IDO2: variants seen among roughly 807,000 people sequenced by gnomAD.
IDO2 encodes indoleamine 2,3-dioxygenase 2, also known as indoleamine 2,3-dioxygenase-like 1 protein.
A neutral mutation model predicts 45.1 loss-of-function variants in IDO2; 46 were observed. That is an observed-to-expected ratio of 1.02 (90% CI 0.80 to 1.30). IDO2 has a LOEUF of 1.30. IDO2 is among the 50% of genes most tolerant of loss of function. IDO2 has a pLI of 0.00. For synonymous variants in IDO2, 218 were observed against 184.9 expected, an observed-to-expected ratio of 1.18 and a Z score of -1.45; for missense variants, 544 against 491.8, an observed-to-expected ratio of 1.11 and a Z score of -1.00.
chr8:39,990,743 C>T (rs1204401042), intron 8 of IDO2, among the ~76,000 whole-genome samples: 8 of 152,204 alleles, frequency 5.3e-5, no homozygotes, highest in African/African-American at 1.9e-4. Context: ...ATGCCCTATT[C>T]CAGAATAAAT....
At chr8:40,009,274 C>T (rs1008499388) in intron 9 of IDO2, among the ~76,000 whole-genome samples, 1 of 152,170 alleles carries the variant, frequency 6.6e-6, no homozygotes, top group African/African-American at 2.4e-5. Context: ...CTTGGTCCCC[C>T]AAAGTGCTGG....
intron 8 of IDO2, among the ~76,000 whole-genome samples, chr8:40,001,244 C>CCT (rs1585418536): frequency 5.1e-5 from 5 of 97,846 alleles, no homozygotes; most frequent in Non-Finnish European, 5.9e-5. Flanking sequence ...TGGCTTTCCT[C>CCT]ATTTTTTTTT....
In IDO2 at chr8:40,015,235, T is replaced by C. The variant is rs752360511; in HGVS notation, c.869-12T>C. On this transcript the variant is annotated splice_polypyrimidine_tract_variant and intron_variant, in intron 10 of 10. Coordinates refer to ENST00000502986, the Ensembl canonical transcript of IDO2. The stretch of plus-strand genomic sequence containing the variant: ...GTGGAGCTATGACGTTATGCTGTAT[T>C]GTTTCTTTCAGGTGACTTTCTGTAC... The C allele has an allele frequency of 6.8e-7, 1 of 1,462,168 alleles. No homozygotes were observed. Among genetic ancestry groups the C allele is most frequent in the Non-Finnish European group, 9.5e-7 (1 of 1,052,606 alleles). 90.6% of individuals were successfully genotyped at this position (1,462,168 alleles called of 1,614,324 possible).
At chr8:39,963,926 C>T (rs1406886673) in intron 3 of IDO2, among the ~76,000 whole-genome samples, 1 of 152,182 alleles carries the variant, frequency 6.6e-6, no homozygotes, top group East Asian at 1.9e-4. Context: ...CAATGCCTGA[C>T]ACATGCCAAT....
At chr8:39,982,493 A>G (rs1426401805) in intron 4 of IDO2, among the ~76,000 whole-genome samples, 159 bp from the exon 5 acceptor site, 3 of 152,140 alleles carry the variant, frequency 2.0e-5, no homozygotes, top group Admixed American at 6.6e-5. Context: ...ACAGAAAGAT[A>G]TGTGTGCGGC....
At chr8:39,941,703 A>G (rs781026494) in intron 1 of IDO2, among the ~76,000 whole-genome samples, 9 of 152,182 alleles carry the variant, frequency 5.9e-5, no homozygotes, top group African/African-American at 2.2e-4. Flanking sequence ...AATGCTGCAA[A>G]TGTCTGCATG....
At chr8:39,984,774 A>G (rs1808398654) in intron 5 of IDO2, among the ~76,000 whole-genome samples, 1 of 152,190 alleles carries the variant, frequency 6.6e-6, no homozygotes, top group African/African-American at 2.4e-5. Context: ...CAGAGAAATG[A>G]CATCAATGCA....
chr8:39,984,915 G>A (rs1808401431), intron 5 of IDO2: 2 of 428,170 alleles, frequency 4.7e-6, no homozygotes, highest in African/African-American at 2.1e-5. Context: ...TGTAAGATGA[G>A]TGAAATAACT....
chr8:39,949,045 C>G, intron 1 of IDO2, 104 bp from the exon 2 acceptor site: 2 of 1,457,568 alleles, frequency 1.4e-6, no homozygotes, highest in Non-Finnish European at 1.8e-6. Context: ...GAAAAGTTCT[C>G]TCCTGTGCCT....
chr8:39,963,916 C>T (rs918186631), intron 3 of IDO2, among the ~76,000 whole-genome samples: 1 of 152,160 alleles, frequency 6.6e-6, no homozygotes, highest in Non-Finnish European at 1.5e-5. Flanking sequence ...CAGCACAAAA[C>T]AATGCCTGAC....
intron 1 of IDO2, among the ~76,000 whole-genome samples, chr8:39,942,265 G>C (rs1807654176): frequency 6.6e-6 from 1 of 152,196 alleles, no homozygotes; most frequent in African/African-American, 2.4e-5. Context: ...CAGAAGCTCA[G>C]AATTTTATGC....
intron 8 of IDO2, chr8:39,998,060 T>G (rs1802077785): frequency 4.4e-6 from 1 of 229,828 alleles, no homozygotes; most frequent in African/African-American, 2.3e-5. Flanking sequence ...TCACAGCCTT[T>G]CTGAGTTTCT....
chr8:39,947,598 A>C (rs749509619), intron 1 of IDO2, among the ~76,000 whole-genome samples: 6 of 152,182 alleles, frequency 3.9e-5, no homozygotes, highest in Non-Finnish European at 8.8e-5. Flanking sequence ...GGACAAATAC[A>C]GAATGTAAGG....
Position 39,995,253 on chromosome 8 carries a change from TTCTTCTTCTTCC to T in IDO2, c.667+5427_667+5438del, listed in dbSNP as rs1258880985. The T allele has an allele frequency of 2.7e-3, 278 of 101,376 alleles. 6 individuals are homozygous for T. Among genetic ancestry groups the T allele is most frequent in the African/African-American group, 8.7e-3 (178 of 20,406 alleles). The allele number at this position is 101,376 out of a possible 1,614,324, so 6.3% of individuals were successfully genotyped here. ...CTTCTCCTTCTCCTTCTCCTTCTCC[TTCTTCTTCTTCC>T]TCTTCTTCTTCTTCTTCTTCTTCTT... On this transcript the variant is annotated intron_variant, in intron 8 of 10. Transcript: ENST00000502986.
chr8:40,016,345 G>A (rs1207930104), exon 11 of IDO2: 6 of 393,566 alleles, frequency 1.5e-5, no homozygotes, highest in African/African-American at 4.1e-5. Context: ...GGAATAAGTA[G>A]TAAATCAATG....
chr8:40,002,193 G>T (rs138592286), intron 8 of IDO2, among the ~76,000 whole-genome samples: 5 of 122,010 alleles, frequency 4.1e-5, no homozygotes, highest in African/African-American at 1.4e-4. Context: ...TCTGTAAGTA[G>T]TATGAGATGA....
At chr8:39,964,620 T>C (rs2729462) in intron 3 of IDO2, among the ~76,000 whole-genome samples, 55,455 of 152,142 alleles carry the variant, frequency 0.36, 10,605 homozygotes, top group East Asian at 0.58. Context: ...AATGTTTGCT[T>C]TGTGCAAAGC....
chr8:39,941,768 A>G (rs1056032478), intron 1 of IDO2, among the ~76,000 whole-genome samples: 6 of 152,178 alleles, frequency 3.9e-5, no homozygotes. Context: ...ACAATAGGAA[A>G]GAAAACCAGA....
intron 3 of IDO2, among the ~76,000 whole-genome samples, chr8:39,964,605 C>T (rs1337221014): frequency 6.6e-6 from 1 of 152,192 alleles, no homozygotes; most frequent in Non-Finnish European, 1.5e-5. Flanking sequence ...TTAAAATACT[C>T]ATTGAATGTT....
Sources: gnomAD v4.1 joint callset for allele counts (sites outside exome capture counted in the v4.1 genomes callset) on GRCh38, gnomAD v4.1.1 for gene constraint, MANE v1.5 for transcripts, NCBI Gene and HGNC (gene_info 2026-07-23, HGNC 2026-07-21) for gene names.